Variants in PGAP1 observed in about 807,000 individuals in gnomAD.
The protein encoded by PGAP1 is post-GPI attachment to proteins inositol deacylase 1.
In PGAP1, 76 loss-of-function variants were observed where a neutral mutation model predicts 127.0. The observed-to-expected ratio is 0.60, with a 90% CI of 0.50 to 0.72. The LOEUF (loss-of-function observed/expected upper bound fraction) is 0.72. Among genes scored for constraint, PGAP1 ranks in the 30% least tolerant of loss-of-function variants. The pLI is 0.00. For missense variants in PGAP1, 982 were observed against 1,071.3 expected, an observed-to-expected ratio of 0.92 and a Z score of 1.16; for synonymous variants, 362 against 366.5, an observed-to-expected ratio of 0.99 and a Z score of 0.14.
intron 7 of PGAP1, among the ~76,000 whole-genome samples, chr2:196,895,308 A>G (rs1349450287): frequency 1.3e-5 from 2 of 152,244 alleles, no homozygotes; most frequent in Middle Eastern, 3.4e-3. Context: ...TTTATGTCCA[A>G]TTTTTTTAGG....
Position 196,871,787 on chromosome 2 carries a change from A to C in PGAP1, c.1728+654T>G, listed in dbSNP as rs1576129755. ...ATCCAAACATTTAAGCTTGGTTTAA[A>C]GCAGTTGAGCAGAAATAAAATATTT... On this transcript the variant is annotated intron_variant, in intron 18 of 26. Coordinates refer to ENST00000354764, the MANE Select transcript of PGAP1 (RefSeq NM_024989.4). 2.0e-5 allele frequency among the ~76,000 whole-genome samples: 3 copies of C among 152,296 alleles called. No homozygotes were observed. In the East Asian group the frequency reaches 5.8e-4, roughly 29 times the overall value.
At chr2:196,852,661 T>C (rs1216477879) in intron 20 of PGAP1, among the ~76,000 whole-genome samples, 2 of 151,878 alleles carry the variant, frequency 1.3e-5, no homozygotes, top group African/African-American at 2.4e-5. Context: ...TAGAAAAAAA[T>C]AGAAACAAGA....
chr2:196,926,327 C>G, intron 1 of PGAP1, 143 bp downstream of exon 1: 3 of 1,296,332 alleles, frequency 2.3e-6, no homozygotes, highest in Non-Finnish European at 3.2e-6. Context: ...GCAGAGTCTC[C>G]CCGGGCGGAG....
At position 196,846,700 on chromosome 2, in the gene PGAP1, T is replaced by C. The variant is rs74818271; in HGVS notation, c.2150+303A>G. On this transcript the variant is annotated intron_variant, in intron 22 of 26. Transcript: ENST00000354764. The stretch of plus-strand genomic sequence containing the variant: ...TAGAAGTCAGCATATAAAAGCAATA[T>C]TATGGGAGAAACAATCCCTCCTGGG... Among the ~76,000 whole-genome samples, 70 of 152,294 alleles carry C rather than the reference T, an allele frequency of 4.6e-4. 2 individuals carry two copies. In the East Asian group the frequency reaches 0.012, roughly 27 times the overall value.
At chr2:196,877,591 A>G (rs1234508250) in intron 13 of PGAP1, 1 of 152,150 alleles carries the variant, frequency 6.6e-6, no homozygotes, top group East Asian at 1.9e-4. Flanking sequence ...AAAACCCTTT[A>G]AGAGAGGTTT....
intron 2 of PGAP1, among the ~76,000 whole-genome samples, chr2:196,919,464 G>C (rs574024401): frequency 6.6e-6 from 1 of 152,316 alleles, no homozygotes; most frequent in South Asian, 2.1e-4. Context: ...TTATTTGGCT[G>C]TTACGCCAGA....
At chr2:196,864,895 G>C (rs1029129290) in intron 20 of PGAP1, 92 bp downstream of exon 20, 21 of 569,062 alleles carry the variant, frequency 3.7e-5, no homozygotes, top group African/African-American at 2.8e-4. Context: ...CAATATAACA[G>C]AATTATATAT....
At chr2:196,881,416 T>G (rs1419692351) in intron 12 of PGAP1, among the ~76,000 whole-genome samples, 1 of 152,242 alleles carries the variant, frequency 6.6e-6, no homozygotes, top group Non-Finnish European at 1.5e-5. Context: ...ATGGTATTTC[T>G]ATTTTTAGGT....
At chr2:196,923,685 CAG>C (rs145774800) in intron 1 of PGAP1, among the ~76,000 whole-genome samples, 25 of 144,238 alleles carry the variant, frequency 1.7e-4, no homozygotes, top group Non-Finnish European at 3.4e-4. Context: ...TTTTTTGAGA[CAG>C]AGTCTCACTG....
intron 12 of PGAP1, among the ~76,000 whole-genome samples, chr2:196,882,120 G>T (rs747019892): frequency 4.3e-4 from 66 of 152,180 alleles, no homozygotes; most frequent in Admixed American, 3.3e-4. Context: ...TTTCCCCATT[G>T]CTTGTTTTCG....
Position 196,912,226 on chromosome 2 carries a change from T to C in PGAP1, c.649+656A>G, listed in dbSNP as rs150222429. Among the ~76,000 whole-genome samples the C allele has an allele frequency of 1.1e-3, 164 of 152,326 alleles. No homozygotes were observed. In the East Asian group the frequency reaches 0.019, roughly 18 times the overall value. ...TTAGCATACCTTTGTACTTAAAAAC[T>C]AGACATTGCTACTATCTTACTTAAA... On this transcript the variant is annotated intron_variant, in intron 4 of 26. Transcript: ENST00000354764.
intron 26 of PGAP1, 24 bp from the exon 27 acceptor site, chr2:196,841,396 CA>C (rs752610958): frequency 4.5e-5 from 71 of 1,593,200 alleles, no homozygotes; most frequent in Non-Finnish European, 5.7e-5. Context: ...GAGAAATATA[CA>C]TTACTTATGT....
At position 196,835,962 on chromosome 2, in the gene PGAP1, T is replaced by C. The variant is rs930198160; in HGVS notation, c.*5272A>G. The C allele has an allele frequency of 2.6e-5, 4 of 152,042 alleles. No individual in the cohort carries two copies. The highest frequency in any genetic ancestry group is 9.7e-5 in the African/African-American group (4 of 41,432). The allele number at this position is 152,042 out of a possible 1,614,324, so 9.4% of individuals were successfully genotyped here. On this transcript the variant is annotated 3_prime_UTR_variant, in exon 27 of 27. Transcript: ENST00000354764. Reference sequence around the variant, plus strand: ...CATTTTTTACTAGTAACATCACTATTGTATAAATATTAAAAACAAAAATGA... The same window carrying C: ...CATTTTTTACTAGTAACATCACTATCGTATAAATATTAAAAACAAAAATGA...
At position 196,873,775 on chromosome 2, in the gene PGAP1, ACTGT is replaced by A; in HGVS notation, c.1427-21_1427-18del. The A allele has an allele frequency of 3.2e-6, 5 of 1,541,902 alleles. No individual in the cohort carries two copies. Among genetic ancestry groups the A allele is most frequent in the Non-Finnish European group, 4.5e-6 (5 of 1,114,718 alleles). The stretch of plus-strand genomic sequence containing the variant: ...AAGACAATCCTGTTGAATTCAAAGT[ACTGT>A]ATTACTTAGAATATCAAGGAAGTTT... On this transcript the variant is annotated intron_variant, in intron 14 of 26. Transcript: ENST00000354764.
chr2:196,873,525 T>C lies in PGAP1; in HGVS notation c.1552+3A>G. 6.2e-7 allele frequency: 1 copy of C among 1,603,740 alleles called. No individual in the cohort carries two copies. ...CTATACATTTTTTAGAAAACATATT[T>C]ACCTTTGACTGCTGAGCACTTGCTT... On this transcript the variant is annotated splice_donor_region_variant and intron_variant, in intron 16 of 26. Transcript: ENST00000354764.
intron 4 of PGAP1, among the ~76,000 whole-genome samples, chr2:196,905,722 G>A (rs1204238329): frequency 2.7e-5 from 4 of 149,364 alleles, no homozygotes; most frequent in Non-Finnish European, 4.5e-5. Context: ...GCCAGACAGT[G>A]GGCGCAGGCC....
At chr2:196,867,720 G>A (rs1383050732) in intron 19 of PGAP1, among the ~76,000 whole-genome samples, 1 of 152,120 alleles carries the variant, frequency 6.6e-6, no homozygotes, top group African/African-American at 2.4e-5. Context: ...TTTAGAACAT[G>A]TATAGACTTC....
chr2:196,902,765 C>A, intron 4 of PGAP1, 23 bp from the exon 5 acceptor site: 1 of 1,556,758 alleles, frequency 6.4e-7, no homozygotes, highest in Non-Finnish European at 8.8e-7. Context: ...AAAAAAGAGA[C>A]ATTAAAAAAC....
At chr2:196,848,202 A>G in intron 20 of PGAP1, among the ~76,000 whole-genome samples, 165 bp from the exon 21 acceptor site, 1 of 152,008 alleles carries the variant, frequency 6.6e-6, no homozygotes, top group East Asian at 1.9e-4. Flanking sequence ...CTGTAATTCA[A>G]TGGTTCTTAT....
Sources: gnomAD v4.1 joint callset for allele counts (sites outside exome capture counted in the v4.1 genomes callset) on GRCh38, gnomAD v4.1.1 for gene constraint, MANE v1.5 for transcripts, NCBI Gene and HGNC (gene_info 2026-07-23, HGNC 2026-07-21) for gene names.